NUBPL: variants seen among roughly 807,000 people sequenced by gnomAD.
NUBPL encodes the protein iron-sulfur cluster transfer protein NUBPL.
NUBPL carries 31 observed loss-of-function variants against 45.7 expected under a neutral mutation model. The observed-to-expected ratio is 0.68, with a 90% CI of 0.51 to 0.92. The LOEUF (loss-of-function observed/expected upper bound fraction) is 0.92, where lower values mean the gene tolerates loss of function less well. Ranked by LOEUF, NUBPL falls within the 40% of genes least tolerant of loss-of-function variation. The pLI, the probability that NUBPL is intolerant of heterozygous loss-of-function variation, is 0.00. For synonymous variants in NUBPL, 144 were observed against 140.9 expected (o/e 1.02, Z -0.15); for missense variants, 401 against 398.7 (o/e 1.01, Z -0.05).
chr14:31,600,341 C>T (rs889302817), intron 4 of NUBPL, among the ~76,000 whole-genome samples: 1 of 152,140 alleles, frequency 6.6e-6, no homozygotes. Flanking sequence ...AGGCAGGAAT[C>T]AACCCTGGAA....
intron 6 of NUBPL, among the ~76,000 whole-genome samples, chr14:31,748,758 G>A (rs759033308): frequency 6.6e-6 from 1 of 151,918 alleles, no homozygotes; most frequent in Non-Finnish European, 1.5e-5. Flanking sequence ...GATTACAGGT[G>A]TGCACCACCA....
chr14:31,715,711 A>G (rs1314106161), intron 6 of NUBPL, among the ~76,000 whole-genome samples: 1 of 152,224 alleles, frequency 6.6e-6, no homozygotes, highest in Non-Finnish European at 1.5e-5. Flanking sequence ...GTGAGTCAGT[A>G]AGTGAGTGGT....
intron 7 of NUBPL, among the ~76,000 whole-genome samples, chr14:31,812,037 G>A (rs536740779): frequency 1.1e-4 from 16 of 152,304 alleles, no homozygotes; most frequent in Non-Finnish European, 1.9e-4. Context: ...GCACCTGGCT[G>A]TATGAGGTGT....
At position 31,688,989 on chromosome 14, in the gene NUBPL, C is replaced by T. The variant is rs556424347; in HGVS notation, c.513+15415C>T. Among the ~76,000 whole-genome samples the T allele has an allele frequency of 6.6e-5, 10 of 151,698 alleles. No individual in the cohort carries two copies. The South Asian group carries it at 1.3e-3, about 19-fold the overall frequency. Reference sequence around the variant, plus strand: ...CTCCATCCATGTTCCTGCAAGAGACCTGATCTCATTTTTTTTTTTTGTGGC... The same window carrying T: ...CTCCATCCATGTTCCTGCAAGAGACTTGATCTCATTTTTTTTTTTTGTGGC... On this transcript the variant is annotated intron_variant, in intron 6 of 10. Transcript: ENST00000281081.
chr14:31,755,910 T>A (rs1262697751), intron 6 of NUBPL, among the ~76,000 whole-genome samples: 1 of 151,504 alleles, frequency 6.6e-6, no homozygotes, highest in Non-Finnish European at 1.5e-5. Context: ...TTCAGCTTTG[T>A]ACATATGGCT....
At chr14:31,572,381 C>T (rs897871082) in intron 3 of NUBPL, among the ~76,000 whole-genome samples, 6 of 151,828 alleles carry the variant, frequency 4.0e-5, no homozygotes, top group African/African-American at 9.7e-5. Context: ...CCTCATGATC[C>T]GCCTGCTTCG....
At position 31,760,552 on chromosome 14, in the gene NUBPL, T is replaced by G. The variant is rs142697179; in HGVS notation, c.514-27228T>G. ...AGTTCTACTTTTTAGATTCCATATA[T>G]AAGTGAGATCATGCAGTGTTTGTCT... On this transcript the variant is annotated intron_variant, in intron 6 of 10. Transcript: ENST00000281081. Among the ~76,000 whole-genome samples, 122 of 152,306 alleles carry G rather than the reference T, an allele frequency of 8.0e-4. 4 individuals are homozygous for G. In the East Asian group the frequency reaches 0.023, roughly 29 times the overall value.
intron 4 of NUBPL, among the ~76,000 whole-genome samples, chr14:31,673,130 A>G (rs1180465697): frequency 6.6e-6 from 1 of 152,192 alleles, no homozygotes; most frequent in Non-Finnish European, 1.5e-5. Flanking sequence ...AAGAAAGAAT[A>G]TGTGAGGTGA....
At position 31,788,175 on chromosome 14, in the gene NUBPL, A is replaced by G. The variant is rs534571124; in HGVS notation, c.607+302A>G. 4.6e-5 allele frequency among the ~76,000 whole-genome samples: 7 copies of G among 152,350 alleles called. No homozygotes were observed. In the South Asian group the frequency reaches 1.0e-3, roughly 23 times the overall value. On this transcript the variant is annotated intron_variant, in intron 7 of 10. Coordinates refer to ENST00000281081, the MANE Select transcript of NUBPL (RefSeq NM_025152.3). ...ACAGAGAATTTATTGAAGAAAGTAC[A>G]TGCCAAGAAAGGAGCAGGCTGGAAA...
chr14:31,605,336 G>T (rs1301459982), intron 4 of NUBPL, among the ~76,000 whole-genome samples: 1 of 152,140 alleles, frequency 6.6e-6, no homozygotes, highest in Non-Finnish European at 1.5e-5. Context: ...CAGAATACTG[G>T]TGAATTTATT....
intron 3 of NUBPL, among the ~76,000 whole-genome samples, chr14:31,593,370 C>T (rs930406568): frequency 2.0e-5 from 3 of 151,642 alleles, no homozygotes; most frequent in African/African-American, 7.3e-5. Context: ...AAAAATTAGC[C>T]GGGTGTGCTG....
intron 7 of NUBPL, among the ~76,000 whole-genome samples, chr14:31,807,562 T>G (rs1165506859): frequency 1.3e-5 from 2 of 152,144 alleles, no homozygotes; most frequent in Non-Finnish European, 2.9e-5. Context: ...TTTTCTCCCA[T>G]TCTGTAGGTT....
At chr14:31,701,122 C>G (rs372351051) in intron 6 of NUBPL, among the ~76,000 whole-genome samples, 6 of 102,320 alleles carry the variant, frequency 5.9e-5, no homozygotes, top group South Asian at 3.6e-4. Context: ...AGTCAGCACT[C>G]TGTATCTAGC....
chr14:31,646,538 C>T (rs1367073824), intron 4 of NUBPL, among the ~76,000 whole-genome samples: 1 of 151,922 alleles, frequency 6.6e-6, no homozygotes, highest in Non-Finnish European at 1.5e-5. Context: ...TATTCTTTTC[C>T]CTTCTGGCCT....
rs1018708744 is a variant in NUBPL at position 31,709,165 on chromosome 14, CCTGATAT to C, written c.513+35595_513+35601del. On this transcript the variant is annotated intron_variant, in intron 6 of 10. Transcript: ENST00000281081. ...CCAGGGCTTGCTTTTGGAACTTTCT[CCTGATAT>C]CTGTGGCTGATTGGGTAATAAACTT... Among the ~76,000 whole-genome samples the C allele has an allele frequency of 1.2e-4, 18 of 152,276 alleles. No individual in the cohort carries two copies. In the East Asian group the frequency reaches 2.1e-3, roughly 18 times the overall value.
intron 6 of NUBPL, among the ~76,000 whole-genome samples, chr14:31,730,518 C>T (rs566449192): frequency 2.0e-5 from 3 of 148,804 alleles, no homozygotes; most frequent in Non-Finnish European, 4.4e-5. Context: ...GGCTGTAGTG[C>T]GGTGGCACAA....
At chr14:31,818,302 C>T (rs11628274) in intron 7 of NUBPL, among the ~76,000 whole-genome samples, 9,577 of 152,088 alleles carry the variant, frequency 0.063, 411 homozygotes, top group Non-Finnish European at 0.092. Context: ...CTGGACCAAG[C>T]GGATATAATA....
chr14:31,822,351 A>G (rs2040031807), intron 7 of NUBPL, among the ~76,000 whole-genome samples: 1 of 152,172 alleles, frequency 6.6e-6, no homozygotes, highest in Non-Finnish European at 1.5e-5. Context: ...AAAATTTAAA[A>G]TAAAAATCTA....
intron 4 of NUBPL, among the ~76,000 whole-genome samples, chr14:31,637,850 C>G (rs979528000): frequency 2.0e-5 from 3 of 152,132 alleles, no homozygotes; most frequent in Non-Finnish European, 4.4e-5. Flanking sequence ...TAATGGCCTT[C>G]TTTGTCTCTT....
Sources: allele counts gnomAD v4.1 joint callset (sites outside exome capture counted in the v4.1 genomes callset), GRCh38; gene constraint gnomAD v4.1.1; transcripts MANE v1.5; gene names NCBI Gene and HGNC (gene_info 2026-07-23, HGNC 2026-07-21).